Variants in NHSL1 observed in about 807,000 individuals in gnomAD.
NHSL1 encodes the protein NHS-like protein 1.
NHSL1 carries 48 observed loss-of-function variants against 95.0 expected under a neutral mutation model. That is an observed-to-expected ratio of 0.51 (90% CI 0.40 to 0.64). The LOEUF (loss-of-function observed/expected upper bound fraction) is 0.64. NHSL1 is among the 30% of genes least tolerant of loss of function. The pLI is 0.00. For synonymous variants in NHSL1, 783 were observed against 833.9 expected, an observed-to-expected ratio of 0.94 and a Z score of 1.05; for missense variants, 1,971 against 2,077.7, an observed-to-expected ratio of 0.95 and a Z score of 1.00.
At chr6:138,536,380 A>C (rs1333368162) in intron 1 of NHSL1, among the ~76,000 whole-genome samples, 2 of 152,196 alleles carry the variant, frequency 1.3e-5, no homozygotes, top group Admixed American at 6.5e-5. Flanking sequence ...TGGCAAGCAG[A>C]AACGACACTG....
At chr6:138,512,914 C>A (rs1478039220) in intron 1 of NHSL1, among the ~76,000 whole-genome samples, 1 of 152,242 alleles carries the variant, frequency 6.6e-6, no homozygotes, top group East Asian at 1.9e-4. Context: ...CCCTTCTCCA[C>A]AACTAATGTG....
chr6:138,647,141 T>C (rs747645687), intron 1 of NHSL1, among the ~76,000 whole-genome samples: 14 of 152,216 alleles, frequency 9.2e-5, no homozygotes, highest in Non-Finnish European at 1.6e-4. Context: ...AGGACCAGCA[T>C]TGGTTACCAA....
intron 1 of NHSL1, among the ~76,000 whole-genome samples, chr6:138,529,478 T>C (rs898227788): frequency 6.6e-6 from 1 of 152,208 alleles, no homozygotes; most frequent in Non-Finnish European, 1.5e-5. Flanking sequence ...TTAACATGAA[T>C]TTAGCACCTG....
chr6:138,543,286 G>A (rs139817804), intron 1 of NHSL1, among the ~76,000 whole-genome samples: 1 of 152,260 alleles, frequency 6.6e-6, no homozygotes, highest in East Asian at 1.9e-4. Flanking sequence ...CTCAAATGTT[G>A]CACATACAAA....
intron 3 of NHSL1, among the ~76,000 whole-genome samples, chr6:138,451,127 C>A (rs1383225892): frequency 6.6e-6 from 1 of 152,172 alleles, no homozygotes; most frequent in African/African-American, 2.4e-5. Context: ...CCTACATGAT[C>A]TACCAGCTGG....
Position 138,499,481 on chromosome 6 carries a change from C to A in NHSL1, c.-191G>T. 1 of 1,326,344 alleles carries A rather than the reference C, an allele frequency of 7.5e-7. No individual in the cohort carries two copies. Among genetic ancestry groups the A allele is most frequent in the Non-Finnish European group, 9.8e-7 (1 of 1,017,214 alleles). 82.2% of individuals were successfully genotyped at this position (1,326,344 alleles called of 1,614,324 possible). On this transcript the variant is annotated 5_prime_UTR_variant, in exon 1 of 8. Transcript: ENST00000343505. ...TTGTCAGGCAGTTACAAACCATTAA[C>A]AGTCCTTGAACCTGAAAAACTCCTA...
At chr6:138,425,510 C>T (rs954476168) in intron 7 of NHSL1, among the ~76,000 whole-genome samples, 2 of 152,290 alleles carry the variant, frequency 1.3e-5, no homozygotes, top group East Asian at 3.9e-4. Flanking sequence ...TTACGGTCAC[C>T]CTTCTTTTGT....
intron 1 of NHSL1, among the ~76,000 whole-genome samples, chr6:138,521,978 G>T (rs745923181): frequency 6.6e-6 from 1 of 152,206 alleles, no homozygotes; most frequent in Non-Finnish European, 1.5e-5. Context: ...TGCAGCCAAT[G>T]ACTTCAGGAA....
rs1361874790 is a variant in NHSL1 at position 138,653,382 on chromosome 6, C to T, written c.96+39094G>A. On this transcript the variant is annotated intron_variant, in intron 1 of 3. Coordinates refer to the NHSL1 transcript ENST00000491526. ...CATCCTGGCCAACAAGGTGAAACCCCGTCTCTACTAAAAATACAAAAACTA... is the reference window on the plus strand; with the variant it reads ...CATCCTGGCCAACAAGGTGAAACCCTGTCTCTACTAAAAATACAAAAACTA... Among the ~76,000 whole-genome samples the T allele has an allele frequency of 3.3e-5, 5 of 152,018 alleles. No homozygotes were observed. In the East Asian group the frequency reaches 5.8e-4, roughly 18 times the overall value.
At chr6:138,649,229 C>T (rs748820450) in intron 1 of NHSL1, among the ~76,000 whole-genome samples, 3 of 151,974 alleles carry the variant, frequency 2.0e-5, no homozygotes, top group African/African-American at 7.3e-5. Flanking sequence ...GGGAGGGTGT[C>T]AGCTCTATAC....
intron 1 of NHSL1, among the ~76,000 whole-genome samples, chr6:138,528,248 CA>C (rs1221124862): frequency 6.6e-6 from 1 of 151,810 alleles, no homozygotes; most frequent in Non-Finnish European, 1.5e-5. Flanking sequence ...AGGGAATAGC[CA>C]GAGTAACAGA....
Position 138,446,985 on chromosome 6 carries a change from G to A in NHSL1, c.532+16C>T. 6.4e-7 allele frequency: 1 copy of A among 1,550,976 alleles called. No individual in the cohort carries two copies. On this transcript the variant is annotated intron_variant, in intron 4 of 7. Coordinates refer to ENST00000343505, the MANE Select transcript of NHSL1 (RefSeq NM_001144060.2). ...TCCCAAGTACATTCTGAACCTGTCT[G>A]GCTAGCAAAGCGTACCAGTTATGTT...
chr6:138,489,067 G>A (rs1779881481), intron 2 of NHSL1, among the ~76,000 whole-genome samples: 1 of 152,168 alleles, frequency 6.6e-6, no homozygotes, highest in Non-Finnish European at 1.5e-5. Context: ...TCATCAGAAG[G>A]TGTTCCTTGT....
In NHSL1 at chr6:138,570,997, A is replaced by C. The variant is rs540301902; in HGVS notation, c.202+713T>G. Among the ~76,000 whole-genome samples the C allele has an allele frequency of 2.0e-5, 3 of 152,390 alleles. No individual in the cohort carries two copies. The East Asian group carries it at 5.8e-4, about 29-fold the overall frequency. On this transcript the variant is annotated intron_variant, in intron 1 of 6. Transcript: ENST00000427025. Reference sequence around the variant, plus strand: ...CTAAATATAAAATAGGGGTGTGTTAAGAAATATCGAACTGTTTCCCTCTCT... The same window carrying C: ...CTAAATATAAAATAGGGGTGTGTTACGAAATATCGAACTGTTTCCCTCTCT...
chr6:138,511,414 G>GTGTGTGTGTGAGAGAGAGTGTGTA (rs1304519662), intron 1 of NHSL1, among the ~76,000 whole-genome samples: 1 of 151,750 alleles, frequency 6.6e-6, no homozygotes, highest in African/African-American at 2.4e-5. Flanking sequence ...GTGTGTGTAT[G>GTGTGTGTGTGAGAGAGAGTGTGTA]TGTGTGTGTG....
intron 1 of NHSL1, among the ~76,000 whole-genome samples, chr6:138,555,317 A>G (rs751671683): frequency 6.6e-6 from 1 of 152,138 alleles, no homozygotes; most frequent in Non-Finnish European, 1.5e-5. Flanking sequence ...TTCTATTTCT[A>G]TTTAATGCAT....
rs117555978 is a variant in NHSL1 at position 138,505,789 on chromosome 6, C to T, written c.17-9418G>A. Among the ~76,000 whole-genome samples, 1,102 of 152,068 alleles carry T rather than the reference C, an allele frequency of 7.2e-3. 5 individuals carry two copies. The highest frequency in any genetic ancestry group is 0.013 in the Non-Finnish European group (879 of 67,990). Reference sequence around the variant, plus strand: ...TGCTCAGGGCTGTGTATTAAATGACCGTTTGAAATGCTTCTCAAAGGAATT... The same window carrying T: ...TGCTCAGGGCTGTGTATTAAATGACTGTTTGAAATGCTTCTCAAAGGAATT... On this transcript the variant is annotated intron_variant, in intron 1 of 4. Coordinates refer to the NHSL1 transcript ENST00000342260.
intron 1 of NHSL1, among the ~76,000 whole-genome samples, chr6:138,540,406 A>G (rs1417337401): frequency 1.3e-5 from 2 of 152,252 alleles, no homozygotes; most frequent in Non-Finnish European, 2.9e-5. Flanking sequence ...GCTTATTACC[A>G]GATTTAAGAA....
chr6:138,626,944 A>G (rs1443039922), intron 1 of NHSL1, among the ~76,000 whole-genome samples: 1 of 151,768 alleles, frequency 6.6e-6, no homozygotes, highest in Non-Finnish European at 1.5e-5. Flanking sequence ...TACCACTATA[A>G]GCAATCAAGA....
Sources: gnomAD v4.1 joint callset for allele counts (sites outside exome capture counted in the v4.1 genomes callset) on GRCh38, gnomAD v4.1.1 for gene constraint, MANE v1.5 for transcripts, NCBI Gene and HGNC (gene_info 2026-07-23, HGNC 2026-07-21) for gene names.